The following GRIK1 variants were observed in gnomAD, a reference collection of about 807,000 sequenced individuals.
GRIK1 encodes the protein glutamate receptor ionotropic, kainate 1.
In GRIK1, 69 loss-of-function variants were observed where a neutral mutation model predicts 105.7. The observed-to-expected ratio is 0.65, with a 90% CI of 0.54 to 0.80. The LOEUF (loss-of-function observed/expected upper bound fraction) is 0.80, where lower values mean the gene tolerates loss of function less well. Ranked by LOEUF, GRIK1 falls within the 30% of genes least tolerant of loss-of-function variation. The pLI, the probability that GRIK1 is intolerant of heterozygous loss-of-function variation, is 0.00. For missense variants in GRIK1, 1,109 were observed against 1,167.3 expected (o/e 0.95, Z 0.73); for synonymous variants, 438 against 431.3 (o/e 1.02, Z -0.19).
intron 1 of GRIK1, among the ~76,000 whole-genome samples, chr21:29,829,665 C>G (rs1240541208): frequency 6.6e-6 from 1 of 152,112 alleles, no homozygotes; most frequent in Non-Finnish European, 1.5e-5. Context: ...ATTTAAGAAG[C>G]CTTTGAGGAC....
intron 1 of GRIK1, among the ~76,000 whole-genome samples, chr21:29,825,096 T>C (rs1455835436): frequency 6.6e-6 from 1 of 152,108 alleles, no homozygotes; most frequent in East Asian, 1.9e-4. Flanking sequence ...ACACTTATCA[T>C]TTAAGGGATG....
intron 2 of GRIK1, 116 bp downstream of exon 2, chr21:29,693,780 C>T (rs1568982804): frequency 6.8e-6 from 5 of 730,044 alleles, no homozygotes; most frequent in Non-Finnish European, 9.4e-6. Context: ...CCAGATTTCC[C>T]GCGACCCATT....
chr21:29,697,317 A>G (rs1415086114), intron 1 of GRIK1, among the ~76,000 whole-genome samples: 1 of 152,212 alleles, frequency 6.6e-6, no homozygotes, highest in Non-Finnish European at 1.5e-5. Context: ...AGGAGTTGGC[A>G]CCAACTGGTG....
At chr21:29,630,754 T>TTG (rs140883938) in intron 7 of GRIK1, 137 of 365,864 alleles carry the variant, frequency 3.7e-4, no homozygotes, top group African/African-American at 1.4e-3. Flanking sequence ...CATCCCTAGT[T>TTG]TGTGTGTGTG....
intron 1 of GRIK1, among the ~76,000 whole-genome samples, chr21:29,774,878 G>T (rs983034066): frequency 3.9e-5 from 6 of 152,180 alleles, no homozygotes; most frequent in Non-Finnish European, 8.8e-5. Flanking sequence ...ATGCCCTGCT[G>T]TTGCTGTCTT....
chr21:29,717,187 G>A (rs935226765), intron 1 of GRIK1, among the ~76,000 whole-genome samples: 1 of 152,256 alleles, frequency 6.6e-6, no homozygotes, highest in Non-Finnish European at 1.5e-5. Context: ...CCAGGCAGAA[G>A]TCTATTCTAG....
At chr21:29,732,417 G>C (rs1195404035) in intron 1 of GRIK1, among the ~76,000 whole-genome samples, 1 of 152,128 alleles carries the variant, frequency 6.6e-6, no homozygotes, top group Non-Finnish European at 1.5e-5. Context: ...GTAATTTGGG[G>C]CTAACAATAA....
At chr21:29,630,716 C>G in intron 7 of GRIK1, 1 of 390,900 alleles carries the variant, frequency 2.6e-6, no homozygotes, top group South Asian at 2.0e-5. Context: ...TCTACAGAAA[C>G]TGAGATAATA....
At chr21:29,709,474 T>G (rs2063994463) in intron 1 of GRIK1, among the ~76,000 whole-genome samples, 1 of 152,012 alleles carries the variant, frequency 6.6e-6, no homozygotes, top group South Asian at 2.1e-4. Flanking sequence ...AGAGATGGGG[T>G]TTCACCATGT....
chr21:29,709,447 A>T (rs540492034), intron 1 of GRIK1, among the ~76,000 whole-genome samples: 135 of 151,846 alleles, frequency 8.9e-4, no homozygotes, highest in African/African-American at 3.1e-3. Flanking sequence ...TGCCCGGCTA[A>T]TTTTTGTGTT....
chr21:29,855,707 T>C (rs1432329224), intron 1 of GRIK1, among the ~76,000 whole-genome samples: 2 of 152,032 alleles, frequency 1.3e-5, no homozygotes, highest in Non-Finnish European at 2.9e-5. Context: ...GAAAGAGGCA[T>C]AGGAAAGACT....
At chr21:29,839,123 C>T (rs1036380391) in intron 1 of GRIK1, among the ~76,000 whole-genome samples, 4 of 152,086 alleles carry the variant, frequency 2.6e-5, no homozygotes, top group African/African-American at 9.7e-5. Context: ...GATCTTGGCT[C>T]ACCACAACCT....
intron 1 of GRIK1, among the ~76,000 whole-genome samples, chr21:29,876,159 T>C (rs1332194452): frequency 2.6e-5 from 4 of 151,244 alleles, no homozygotes; most frequent in African/African-American, 9.8e-5. Flanking sequence ...CTGGCTGTTG[T>C]TAACTACTAG....
At chr21:29,550,107 CA>C (rs34939329) in intron 16 of GRIK1, among the ~76,000 whole-genome samples, 1,434 of 53,256 alleles carry the variant, frequency 0.027, 5 homozygotes, top group African/African-American at 0.049. Flanking sequence ...GACTCCATCT[CA>C]AAAAAAAAAA....
At chr21:29,630,523 C>G in intron 7 of GRIK1, 2 of 471,662 alleles carry the variant, frequency 4.2e-6, no homozygotes, top group South Asian at 3.1e-5. Context: ...GAGATTTGCT[C>G]TCTTCTGGTC....
intron 1 of GRIK1, among the ~76,000 whole-genome samples, chr21:29,912,036 C>T (rs1197933650): frequency 1.3e-5 from 2 of 152,020 alleles, no homozygotes; most frequent in Non-Finnish European, 1.5e-5. Context: ...AATACACATA[C>T]ACACAAACAC....
intron 1 of GRIK1, among the ~76,000 whole-genome samples, chr21:29,733,208 C>G (rs1366194550): frequency 6.6e-6 from 1 of 151,930 alleles, no homozygotes; most frequent in South Asian, 2.1e-4. Flanking sequence ...TTCTAAATAC[C>G]AACATAGGAG....
intron 1 of GRIK1, among the ~76,000 whole-genome samples, chr21:29,911,050 G>C (rs2070797500): frequency 6.6e-6 from 1 of 152,020 alleles, no homozygotes; most frequent in South Asian, 2.1e-4. Flanking sequence ...AATAAATACA[G>C]ATAAGCCTTT....
intron 1 of GRIK1, among the ~76,000 whole-genome samples, chr21:29,868,861 T>C (rs1569175688): frequency 6.6e-6 from 1 of 152,198 alleles, no homozygotes; most frequent in South Asian, 2.1e-4. Context: ...TGCTTTCTAA[T>C]AGGATTCCAA....
Sources: gnomAD v4.1 joint callset for allele counts (sites outside exome capture counted in the v4.1 genomes callset) on GRCh38, gnomAD v4.1.1 for gene constraint, MANE v1.5 for transcripts, NCBI Gene and HGNC (gene_info 2026-07-23, HGNC 2026-07-21) for gene names.